Variants in LYZL1 observed in about 807,000 individuals in gnomAD.
The protein encoded by LYZL1 is lysozyme like 1.
In LYZL1, 16 loss-of-function variants were observed where a neutral mutation model predicts 17.9. That is an observed-to-expected ratio of 0.90 (90% confidence interval 0.61 to 1.36). The LOEUF is 1.36. Ranked by LOEUF, LYZL1 falls within the 40% of genes most tolerant of loss-of-function variation. The pLI is 0.00. For synonymous variants in LYZL1, 58 were observed against 71.8 expected (o/e 0.81, Z 0.97); for missense variants, 149 against 188.4 (o/e 0.79, Z 1.22).
At chr10:29,295,396 T>C (rs1835434087) in intron 3 of LYZL1, among the ~76,000 whole-genome samples, 1 of 152,252 alleles carries the variant, frequency 6.6e-6, no homozygotes, top group South Asian at 2.1e-4. Flanking sequence ...ACATTCAGTA[T>C]ATTCACTTTC....
chr10:29,298,640 G>A (rs1269984143), intron 3 of LYZL1, among the ~76,000 whole-genome samples: 1 of 152,108 alleles, frequency 6.6e-6, no homozygotes, highest in Non-Finnish European at 1.5e-5. Context: ...ACAATAAAGA[G>A]GAAGACATGG....
intron 1 of LYZL1, among the ~76,000 whole-genome samples, chr10:29,290,943 A>G (rs1354313943): frequency 6.6e-6 from 1 of 152,062 alleles, no homozygotes; most frequent in Non-Finnish European, 1.5e-5. Flanking sequence ...CTTAATCTTC[A>G]CTCTTCGATA....
intron 3 of LYZL1, among the ~76,000 whole-genome samples, chr10:29,296,106 C>T (rs1588658398): frequency 6.6e-6 from 1 of 152,130 alleles, no homozygotes. Context: ...TTTGGTAGGG[C>T]AGCAATAGAA....
At chr10:29,298,853 G>A (rs954340263) in intron 3 of LYZL1, among the ~76,000 whole-genome samples, 1 of 152,146 alleles carries the variant, frequency 6.6e-6, no homozygotes, top group African/African-American at 2.4e-5. Context: ...ATGAACCAGA[G>A]GGAGGAGGAT....
intron 3 of LYZL1, among the ~76,000 whole-genome samples, chr10:29,295,891 C>A (rs1228149973): frequency 6.6e-6 from 1 of 152,142 alleles, no homozygotes; most frequent in Non-Finnish European, 1.5e-5. Context: ...CTGCAAGCAA[C>A]AGGGATCTCA....
intron 1 of LYZL1, among the ~76,000 whole-genome samples, chr10:29,291,231 C>G (rs1191271440): frequency 2.0e-5 from 3 of 152,256 alleles, no homozygotes; most frequent in East Asian, 1.9e-4. Context: ...GTACTGGATT[C>G]TTACAATAAA....
chr10:29,289,990 T>C (rs1835339501), intron 1 of LYZL1, among the ~76,000 whole-genome samples: 1 of 152,190 alleles, frequency 6.6e-6, no homozygotes, highest in African/African-American at 2.4e-5. Flanking sequence ...TTCACGTTTG[T>C]AATGTACATG....
chr10:29,309,851 A>G (rs1378951303), intron 3 of LYZL1, among the ~76,000 whole-genome samples: 2 of 152,210 alleles, frequency 1.3e-5, no homozygotes, highest in African/African-American at 4.8e-5. Flanking sequence ...TTCTCTAAAC[A>G]CATTTCCAAA....
At chr10:29,312,923 A>C (rs1835690002), downstream of LYZL1, among the ~76,000 whole-genome samples, 1 of 152,200 alleles carries the variant, frequency 6.6e-6, no homozygotes, top group African/African-American at 2.4e-5. Flanking sequence ...TGGTTATGCC[A>C]ACAAGTAAGT....
At chr10:29,304,114 T>A (rs1198378245) in intron 3 of LYZL1, among the ~76,000 whole-genome samples, 2 of 152,164 alleles carry the variant, frequency 1.3e-5, no homozygotes, top group African/African-American at 2.4e-5. Context: ...CAAATTGTAT[T>A]CCTAAAATGC....
rs553456898 is a variant in LYZL1, at chr10:29,316,947, G to A, written c.*-363G>A. On this transcript the variant is annotated intron_variant and NMD_transcript_variant, in intron 3 of 4. Transcript: ENST00000494304. ...TGCCCAAGCTGTTCTTGAAGTGCTG[G>A]GCTCAAGCGATCCTCCCACCTCAGC... is the stretch of plus-strand genomic sequence containing the variant. Among the ~76,000 whole-genome samples the A allele has an allele frequency of 7.9e-5, 12 of 152,080 alleles. No homozygotes were observed. In the South Asian group the frequency reaches 1.9e-3, roughly 24 times the overall value.
At chr10:29,295,411 G>A (rs995772809) in intron 3 of LYZL1, among the ~76,000 whole-genome samples, 6 of 152,108 alleles carry the variant, frequency 3.9e-5, no homozygotes, top group African/African-American at 1.2e-4. Context: ...ACTTTCCATA[G>A]GCATGACTTT....
downstream of LYZL1, among the ~76,000 whole-genome samples, chr10:29,315,575 G>A (rs534451544): frequency 1.3e-5 from 2 of 152,036 alleles, no homozygotes; most frequent in African/African-American, 4.8e-5. Context: ...TTAAGGGCTC[G>A]GGTGCAGTGG....
chr10:29,306,257 A>T (rs926205231), intron 3 of LYZL1, among the ~76,000 whole-genome samples: 1 of 152,006 alleles, frequency 6.6e-6, no homozygotes, highest in Non-Finnish European at 1.5e-5. Context: ...AGCTAGAAAA[A>T]ATAAGGAACT....
At position 29,291,876 on chromosome 10, in the gene LYZL1, T is replaced by G; in HGVS notation, c.9T>G (p.Ala3=). ...TCCGGCAGGCTTTGAGGATGAAGGC[T>G]GCGGGCATTCTGACCCTCATTGGCT... is the stretch of plus-strand genomic sequence containing the variant. The part of the protein sequence containing the change: MK[A]AGILTLIGCL... The change falls in exon 2 of 5, where the codon GCT becomes GCG. Residue 3 remains alanine, a synonymous_variant. Coordinates refer to ENST00000649382, the MANE Select transcript of LYZL1 (RefSeq NM_032517.6). The G allele has an allele frequency of 1.3e-6, 2 of 1,578,850 alleles. No individual in the cohort carries two copies. The highest frequency in any genetic ancestry group is 1.7e-6 in the Non-Finnish European group (2 of 1,160,686).
intron 3 of LYZL1, 76 bp from the exon 4 acceptor site, chr10:29,310,034 G>C: frequency 9.8e-7 from 1 of 1,016,752 alleles, no homozygotes; most frequent in Middle Eastern, 2.1e-4. Context: ...ACTGAGAAAA[G>C]TGAAGTAAAG....
rs146941028 is a variant in LYZL1 at position 29,299,019 on chromosome 10, G to A, written c.298+6342G>A. On this transcript the variant is annotated intron_variant, in intron 3 of 4. Transcript: ENST00000649382. ...TCCTGCAACTGGACAGTCCCATCTG[G>A]GGATGATGGAAGACAGCGGTAGATC... 4.2e-4 allele frequency among the ~76,000 whole-genome samples: 64 copies of A among 152,276 alleles called. 1 individual carries two copies. In the East Asian group the frequency reaches 0.011, roughly 27 times the overall value.
At chr10:29,301,223 T>G (rs971010899) in intron 3 of LYZL1, among the ~76,000 whole-genome samples, 1 of 152,220 alleles carries the variant, frequency 6.6e-6, no homozygotes, top group Non-Finnish European at 1.5e-5. Context: ...TCTTTTTGCC[T>G]GCTGCCATCC....
chr10:29,298,259 G>A (rs998871685), intron 3 of LYZL1, among the ~76,000 whole-genome samples: 2 of 152,176 alleles, frequency 1.3e-5, no homozygotes, highest in East Asian at 1.9e-4. Context: ...GACCAGCACC[G>A]AGGTACAAGG....
Sources: gnomAD v4.1 joint callset for allele counts (sites outside exome capture counted in the v4.1 genomes callset) on GRCh38, gnomAD v4.1.1 for gene constraint, MANE v1.5 for transcripts, NCBI Gene and HGNC (gene_info 2026-07-23, HGNC 2026-07-21) for gene names.